CDK17: variants seen among roughly 807,000 people sequenced by gnomAD.
The protein encoded by CDK17 is cyclin-dependent kinase 17.
CDK17 carries 24 observed loss-of-function variants against 77.6 expected under a neutral mutation model. The observed-to-expected ratio is 0.31, with a 90% CI of 0.22 to 0.44. The LOEUF is 0.44. CDK17 is among the 20% of genes least tolerant of loss of function. The pLI is 1.00. For missense variants in CDK17, 429 were observed against 622.5 expected, an observed-to-expected ratio of 0.69 and a Z score of 3.31; for synonymous variants, 203 against 210.4, an observed-to-expected ratio of 0.96 and a Z score of 0.30.
chr12:96,388,145 C>T (rs1412171451), intron 1 of CDK17, among the ~76,000 whole-genome samples: 1 of 151,694 alleles, frequency 6.6e-6, no homozygotes, highest in Non-Finnish European at 1.5e-5. Context: ...GAGTCACATA[C>T]AAGAGTCATA....
intron 1 of CDK17, chr12:96,387,238 C>G (rs1199599711): frequency 1.7e-5 from 4 of 235,846 alleles, no homozygotes; most frequent in African/African-American, 9.2e-5. Flanking sequence ...CACACAGCAT[C>G]CAGCAACCAA....
intron 3 of CDK17, among the ~76,000 whole-genome samples, chr12:96,318,610 C>T (rs1565818014): frequency 2.0e-5 from 3 of 146,396 alleles, no homozygotes; most frequent in African/African-American, 7.6e-5. Context: ...TCTCAGACCA[C>T]AGTGCAATCA....
chr12:96,288,908 T>A (rs938415564), intron 11 of CDK17, among the ~76,000 whole-genome samples: 1 of 152,206 alleles, frequency 6.6e-6, no homozygotes, highest in Non-Finnish European at 1.5e-5. Flanking sequence ...GTAGTTATTG[T>A]TACTATTCCC....
Position 96,279,827 on chromosome 12 carries a change from G to A in CDK17, c.*415C>T, listed in dbSNP as rs545650659. On this transcript the variant is annotated 3_prime_UTR_variant, in exon 17 of 17. Coordinates refer to ENST00000261211, the MANE Select transcript of CDK17 (RefSeq NM_002595.5). ...AAAAAATGCAGCAGTAAAACAATTC[G>A]TGAGGAGAAACAGATGCATTCACAT... 6 of 157,244 alleles carry A rather than the reference G, an allele frequency of 3.8e-5. No individual in the cohort carries two copies. The highest frequency in any genetic ancestry group is 3.2e-3 in the Middle Eastern group (1 of 314). 9.7% of individuals were successfully genotyped at this position (157,244 alleles called of 1,614,324 possible).
In CDK17 at chr12:96,279,845, A is replaced by G. The variant is rs1565800008; in HGVS notation, c.*397T>C. On this transcript the variant is annotated 3_prime_UTR_variant, in exon 17 of 17. Transcript: ENST00000261211. The stretch of plus-strand genomic sequence containing the variant: ...ACAATTCGTGAGGAGAAACAGATGC[A>G]TTCACATATAATAAAGCCACTGCAA... The G allele has an allele frequency of 6.1e-6, 1 of 162,630 alleles. No individual in the cohort carries two copies. The highest frequency in any genetic ancestry group is 1.3e-5 in the Non-Finnish European group (1 of 74,934). 10.1% of individuals were successfully genotyped at this position (162,630 alleles called of 1,614,324 possible).
At chr12:96,289,884 GAC>G (rs1354955362) in intron 10 of CDK17, among the ~76,000 whole-genome samples, 1 of 152,168 alleles carries the variant, frequency 6.6e-6, no homozygotes, top group East Asian at 1.9e-4. Context: ...TCTGGAGTAA[GAC>G]AGACTTCATT....
chr12:96,378,936 C>CCGAA (rs1953831752), intron 1 of CDK17, among the ~76,000 whole-genome samples: 1 of 152,066 alleles, frequency 6.6e-6, no homozygotes, highest in South Asian at 2.1e-4. Context: ...AGAAATAAGA[C>CCGAA]TTCGTGTACA....
chr12:96,285,526 A>G (rs1032324963), intron 13 of CDK17, among the ~76,000 whole-genome samples: 2 of 152,218 alleles, frequency 1.3e-5, no homozygotes, highest in Non-Finnish European at 2.9e-5. Context: ...ACATTCTACA[A>G]GTAAAAATGT....
In CDK17 at chr12:96,337,874, G is replaced by A. The variant is rs990140823; in HGVS notation, c.-29-3009C>T. ...GGGAGGCTTGGGGTACTCTAACTCT[G>A]CACATTCTGAAAAAAGCACTAGTCT... On this transcript the variant is annotated intron_variant, in intron 1 of 16. Transcript: ENST00000261211. Among the ~76,000 whole-genome samples the A allele has an allele frequency of 3.3e-5, 5 of 152,144 alleles. No individual in the cohort carries two copies. The East Asian group carries it at 9.6e-4, about 29-fold the overall frequency.
intron 1 of CDK17, among the ~76,000 whole-genome samples, chr12:96,372,624 C>G (rs61939089): frequency 6.6e-6 from 1 of 151,930 alleles, no homozygotes; most frequent in African/African-American, 2.4e-5. Flanking sequence ...AAAAGGTGTA[C>G]CTGAATAATC....
At chr12:96,388,248 T>C (rs1378279757) in intron 1 of CDK17, among the ~76,000 whole-genome samples, 1 of 152,130 alleles carries the variant, frequency 6.6e-6, no homozygotes, top group African/African-American at 2.4e-5. Flanking sequence ...GGGAAAATGG[T>C]TCAAAGAAAT....
At chr12:96,355,398 GTTTTTTTTTTTTT>G (rs58937020) in intron 1 of CDK17, among the ~76,000 whole-genome samples, 1 of 72,476 alleles carries the variant, frequency 1.4e-5, no homozygotes, top group Admixed American at 2.1e-4. Context: ...TCTACATTGG[GTTTTTTTTTTTTT>G]TTTTTTTTTT....
intron 1 of CDK17, among the ~76,000 whole-genome samples, chr12:96,345,337 T>C (rs898313071): frequency 6.6e-6 from 1 of 152,244 alleles, no homozygotes; most frequent in African/African-American, 2.4e-5. Context: ...CCTTTGGGTA[T>C]ATACCCAGTA....
intron 3 of CDK17, among the ~76,000 whole-genome samples, chr12:96,323,268 TA>T (rs67003722): frequency 0.098 from 9,463 of 96,602 alleles, 376 homozygotes; most frequent in Admixed American, 0.14. Flanking sequence ...CCCCGTCTTC[TA>T]AAAAAAAAAA....
chr12:96,377,477 C>A (rs1391645100), intron 1 of CDK17, among the ~76,000 whole-genome samples: 1 of 151,976 alleles, frequency 6.6e-6, no homozygotes, highest in Non-Finnish European at 1.5e-5. Context: ...CGTAAAATGC[C>A]CCTTAAACAT....
chr12:96,329,980 T>C (rs1368799339), intron 2 of CDK17, among the ~76,000 whole-genome samples: 1 of 152,216 alleles, frequency 6.6e-6, no homozygotes, highest in Non-Finnish European at 1.5e-5. Context: ...TAAGTGACAT[T>C]CTGTTAGGTT....
intron 8 of CDK17, 47 bp downstream of exon 8, chr12:96,297,580 G>T: frequency 8.3e-7 from 1 of 1,202,864 alleles, no homozygotes. Flanking sequence ...AATTTACTAT[G>T]TTTTTCTAAA....
chr12:96,298,717 CTT>C lies in CDK17; in HGVS notation c.715+150_715+151del, dbSNP rs907575377. The C allele has an allele frequency of 1.5e-5, 8 of 526,776 alleles. No homozygotes were observed. The Admixed American group carries it at 2.2e-4, about 15-fold the overall frequency. 32.6% of individuals were successfully genotyped at this position (526,776 alleles called of 1,614,324 possible). On this transcript the variant is annotated intron_variant, in intron 7 of 16. Coordinates refer to ENST00000261211, the MANE Select transcript of CDK17 (RefSeq NM_002595.5). ...AGTTATACACTAATATAATTAATCC[CTT>C]TGAGTATTTGTTTTAGAAATTTGCT...
chr12:96,302,516 A>G (rs76049212), intron 5 of CDK17, among the ~76,000 whole-genome samples: 6,588 of 152,046 alleles, frequency 0.043, 493 homozygotes, highest in African/African-American at 0.15. Flanking sequence ...TTTATGGGGG[A>G]AAAAACACTA....
Sources: allele counts gnomAD v4.1 joint callset (sites outside exome capture counted in the v4.1 genomes callset), GRCh38; gene constraint gnomAD v4.1.1; transcripts MANE v1.5; gene names NCBI Gene and HGNC (gene_info 2026-07-23, HGNC 2026-07-21).